The following MTUS1 variants were observed in gnomAD, a reference collection of about 807,000 sequenced individuals.
The protein encoded by MTUS1 is microtubule associated scaffold protein 1.
MTUS1 carries 109 observed loss-of-function variants against 120.8 expected under a neutral mutation model. The ratio of observed to expected loss-of-function variants is 0.90; its 90% CI spans 0.77 to 1.06. The LOEUF (loss-of-function observed/expected upper bound fraction) is 1.06. MTUS1 is among the 50% of genes least tolerant of loss of function. The pLI, the probability that MTUS1 is intolerant of heterozygous loss-of-function variation, is 0.00. For synonymous variants in MTUS1, 737 were observed against 550.5 expected (o/e 1.34, Z -4.74); for missense variants, 2,210 against 1,486.3 (o/e 1.49, Z -8.01).
intron 1 of MTUS1, among the ~76,000 whole-genome samples, chr8:17,782,398 T>C (rs2050939869): frequency 6.6e-6 from 1 of 152,212 alleles, no homozygotes; most frequent in Non-Finnish European, 1.5e-5. Flanking sequence ...ATACACCTGA[T>C]CCTAAAACTA....
intron 1 of MTUS1, among the ~76,000 whole-genome samples, chr8:17,784,097 A>G (rs535129639): frequency 0.019 from 956 of 49,396 alleles, 12 homozygotes; most frequent in African/African-American, 0.07. Context: ...TCAACTCTTC[A>G]TAAAGTAATC....
rs1348387036 is a variant in MTUS1, at chr8:17,757,620, G to A, written c.-154-1659C>T. Among the ~76,000 whole-genome samples, 4 of 152,232 alleles carry A rather than the reference G, an allele frequency of 2.6e-5. 1 individual carries two copies. Among genetic ancestry groups the A allele is most frequent in the East Asian group, 3.9e-4 (2 of 5,178 alleles). The stretch of plus-strand genomic sequence containing the variant: ...CGGCTCACTGCAACCTCCACCTCCC[G>A]GTTTCAGGCAATCTTCCTGCCTCAG... On this transcript the variant is annotated intron_variant, in intron 1 of 14. Coordinates refer to ENST00000693296, the MANE Select transcript of MTUS1 (RefSeq NM_001363059.2).
At chr8:17,689,868 A>G (rs1816604137) in intron 6 of MTUS1, among the ~76,000 whole-genome samples, 1 of 150,090 alleles carries the variant, frequency 6.7e-6, no homozygotes, top group African/African-American at 2.4e-5. Context: ...ATATGCAAAA[A>G]TTAAGACAGA....
At chr8:17,731,688 A>G (rs963658636) in intron 3 of MTUS1, among the ~76,000 whole-genome samples, 2 of 152,246 alleles carry the variant, frequency 1.3e-5, no homozygotes, top group African/African-American at 4.8e-5. Flanking sequence ...AAAAAGACAT[A>G]AAAACAACAG....
intron 3 of MTUS1, among the ~76,000 whole-genome samples, chr8:17,733,225 C>A (rs2046707503): frequency 2.0e-5 from 3 of 151,986 alleles, no homozygotes; most frequent in South Asian, 2.1e-4. Flanking sequence ...GTGGCAGGCA[C>A]CTACAATCTC....
chr8:17,689,692 T>C (rs892900810), intron 6 of MTUS1, among the ~76,000 whole-genome samples: 5 of 152,074 alleles, frequency 3.3e-5, no homozygotes, highest in African/African-American at 1.2e-4. Context: ...AATAGACACA[T>C]AGATCAGTGG....
intron 6 of MTUS1, among the ~76,000 whole-genome samples, chr8:17,689,658 A>G (rs1483647272): frequency 6.6e-6 from 1 of 152,020 alleles, no homozygotes. Flanking sequence ...TATAGCAACC[A>G]AAAAAGCATG....
rs1420244390 is a variant in MTUS1, at chr8:17,645,859, C to T, written c.*67G>A. 8 of 1,542,526 alleles carry T rather than the reference C, an allele frequency of 5.2e-6. No individual in the cohort carries two copies. Among genetic ancestry groups the T allele is most frequent in the South Asian group, 1.2e-5 (1 of 80,866 alleles). Reference sequence around the variant, plus strand: ...ATATACCTCTTGTGCCCACGTTCCTCCTTGGGGTCAGTCCTGCAGACCTGC... The same window carrying T: ...ATATACCTCTTGTGCCCACGTTCCTTCTTGGGGTCAGTCCTGCAGACCTGC... On this transcript the variant is annotated 3_prime_UTR_variant, in exon 15 of 15. Transcript: ENST00000693296.
intron 7 of MTUS1, among the ~76,000 whole-genome samples, chr8:17,677,602 T>G (rs1250558435): frequency 6.6e-6 from 1 of 152,214 alleles, no homozygotes; most frequent in East Asian, 1.9e-4. Context: ...AGGGAGGTTT[T>G]GGGAAAGGGA....
rs34688586 is a variant in MTUS1, at chr8:17,769,346, A to ATT, written c.-154-13387_-154-13386dup. Among the ~76,000 whole-genome samples, 10 of 106,024 alleles carry ATT rather than the reference A, an allele frequency of 9.4e-5. No individual in the cohort carries two copies. The East Asian group carries it at 9.9e-4, about 11-fold the overall frequency. The allele number at this position is 106,024 out of a possible 152,430, so 69.6% of individuals were successfully genotyped here. ...TGCATTTCTGAAGGCTTAGTCAGTA[A>ATT]TTTTTTTTTTTTTTTTTTTGAGACA... On this transcript the variant is annotated intron_variant, in intron 1 of 14. Coordinates refer to ENST00000693296, the MANE Select transcript of MTUS1 (RefSeq NM_001363059.2).
chr8:17,789,134 G>T (rs944520078), intron 1 of MTUS1, among the ~76,000 whole-genome samples: 1 of 151,828 alleles, frequency 6.6e-6, no homozygotes, highest in East Asian at 1.9e-4. Context: ...CCAGGTTCAA[G>T]CGATTCTCCT....
intron 14 of MTUS1, 22 bp downstream of exon 14, chr8:17,646,960 A>C (rs371683579): frequency 5.0e-6 from 8 of 1,588,408 alleles, no homozygotes; most frequent in Non-Finnish European, 6.9e-6. Flanking sequence ...GCTCGGGAGA[A>C]ACAGCACTGT....
rs529465108 is a variant in MTUS1, at chr8:17,751,226, G to A, written c.2091+2491C>T. Among the ~76,000 whole-genome samples the A allele has an allele frequency of 2.6e-5, 4 of 152,256 alleles. No homozygotes were observed. In the South Asian group the frequency reaches 8.3e-4, roughly 32 times the overall value. On this transcript the variant is annotated intron_variant, in intron 2 of 14. Transcript: ENST00000693296. ...ACTTGGGAGAAATGCGTGAACCTGG[G>A]AGGCAGAGGTTGCAGTGAGCCGAGA...
At position 17,724,138 on chromosome 8, in the gene MTUS1, C is replaced by T. The variant is rs116829867; in HGVS notation, c.2288-305G>A. The T allele has an allele frequency of 8.8e-4, 447 of 508,764 alleles. 3 individuals are homozygous for T. The highest frequency in any genetic ancestry group is 7.9e-3 in the African/African-American group (410 of 51,794). The allele number at this position is 508,764 out of a possible 1,614,324, so 31.5% of individuals were successfully genotyped here. ...GAAGGAGATGATCAATCAGAATAAT[C>T]ATGAGAAAGCAGCTTTTGGCAAAAC... On this transcript the variant is annotated intron_variant, in intron 3 of 14. Transcript: ENST00000693296.
intron 3 of MTUS1, among the ~76,000 whole-genome samples, chr8:17,736,209 G>C (rs570348081): frequency 1.3e-5 from 2 of 152,348 alleles, no homozygotes; most frequent in African/African-American, 4.8e-5. Context: ...TAAGAATTGT[G>C]TGAAACGCCT....
At chr8:17,653,569 G>T in intron 10 of MTUS1, 71 bp from the exon 11 acceptor site, 1 of 1,085,366 alleles carries the variant, frequency 9.2e-7, no homozygotes, top group Non-Finnish European at 1.4e-6. Context: ...AACAGTTAAA[G>T]CATATAGATG....
Position 17,753,707 on chromosome 8 carries a change from T to C in MTUS1, c.2091+10A>G, listed in dbSNP as rs774043524. The stretch of plus-strand genomic sequence containing the variant: ...CTGAAGCATGCAAAAAATATATATA[T>C]ATTACTTACCAAAAACAGAGAACCA... On this transcript the variant is annotated intron_variant, in intron 2 of 14. Coordinates refer to ENST00000693296, the MANE Select transcript of MTUS1 (RefSeq NM_001363059.2). 6 of 1,558,430 alleles carry C rather than the reference T, an allele frequency of 3.9e-6. No individual in the cohort carries two copies. The South Asian group carries it at 4.8e-5, about 13-fold the overall frequency.
At chr8:17,796,966 G>A (rs1207341170) in intron 1 of MTUS1, among the ~76,000 whole-genome samples, 1 of 152,150 alleles carries the variant, frequency 6.6e-6, no homozygotes, top group Non-Finnish European at 1.5e-5. Context: ...ACAAAAATTA[G>A]CCAGGCATGG....
At chr8:17,729,750 A>T (rs1429257519) in intron 3 of MTUS1, among the ~76,000 whole-genome samples, 6 of 151,652 alleles carry the variant, frequency 4.0e-5, no homozygotes, top group Admixed American at 2.0e-4. Flanking sequence ...AGAATAATTA[A>T]GAATAGCCAA....
Sources: gnomAD v4.1 joint callset for allele counts (sites outside exome capture counted in the v4.1 genomes callset) on GRCh38, gnomAD v4.1.1 for gene constraint, MANE v1.5 for transcripts, NCBI Gene and HGNC (gene_info 2026-07-23, HGNC 2026-07-21) for gene names.